Variants in ADAMTSL1 observed in about 807,000 individuals in gnomAD.
ADAMTSL1 encodes ADAMTS like 1.
In ADAMTSL1, 126 loss-of-function variants were observed where a neutral mutation model predicts 201.8. The ratio of observed to expected loss-of-function variants is 0.62; its 90% CI spans 0.54 to 0.72. ADAMTSL1 has a LOEUF of 0.72. ADAMTSL1 is among the 30% of genes least tolerant of loss of function. The pLI, the probability that ADAMTSL1 is intolerant of heterozygous loss-of-function variation, is 0.00. For synonymous variants in ADAMTSL1, 1,121 were observed against 903.4 expected (o/e 1.24, Z -4.32); for missense variants, 2,679 against 2,277.8 (o/e 1.18, Z -3.59).
chr9:18,061,552 A>T (rs1323563585), intron 1 of ADAMTSL1, among the ~76,000 whole-genome samples: 1 of 152,204 alleles, frequency 6.6e-6, no homozygotes, highest in East Asian at 1.9e-4. Context: ...CCATTTCCTT[A>T]CATGTGGACT....
At chr9:18,698,314 T>C (rs1831688224) in intron 13 of ADAMTSL1, among the ~76,000 whole-genome samples, 1 of 152,054 alleles carries the variant, frequency 6.6e-6, no homozygotes, top group South Asian at 2.1e-4. Context: ...AGAGTCTTGC[T>C]CTGTCACCTA....
At chr9:18,787,018 A>C (rs1425417308) in intron 19 of ADAMTSL1, among the ~76,000 whole-genome samples, 1 of 152,244 alleles carries the variant, frequency 6.6e-6, no homozygotes, top group African/African-American at 2.4e-5. Context: ...AAATTCCTCC[A>C]GGGTCAATTT....
intron 2 of ADAMTSL1, among the ~76,000 whole-genome samples, chr9:18,209,903 A>G (rs543243323): frequency 1.2e-4 from 19 of 152,282 alleles, no homozygotes; most frequent in African/African-American, 3.9e-4. Flanking sequence ...GTGTCAGATT[A>G]TCTAGGCTGA....
intron 1 of ADAMTSL1, among the ~76,000 whole-genome samples, chr9:17,977,602 C>G (rs1465224141): frequency 1.3e-5 from 2 of 151,882 alleles, no homozygotes. Flanking sequence ...ATAGTAGTCC[C>G]TTATGATTGA....
intron 2 of ADAMTSL1, among the ~76,000 whole-genome samples, chr9:18,254,937 C>T (rs1468346998): frequency 1.3e-5 from 2 of 151,830 alleles, no homozygotes; most frequent in African/African-American, 4.8e-5. Flanking sequence ...CAATAGAAAC[C>T]CAATTTTCCA....
chr9:18,089,379 A>G (rs1823908271), intron 1 of ADAMTSL1, among the ~76,000 whole-genome samples: 1 of 148,344 alleles, frequency 6.7e-6, no homozygotes. Flanking sequence ...AAAACCAAAC[A>G]CTGCATATTC....
chr9:18,201,565 G>A (rs1344280918), intron 2 of ADAMTSL1, among the ~76,000 whole-genome samples: 3 of 151,974 alleles, frequency 2.0e-5, no homozygotes, highest in Non-Finnish European at 4.4e-5. Flanking sequence ...GCCTTAGAAG[G>A]AGCAATGGGT....
intron 2 of ADAMTSL1, among the ~76,000 whole-genome samples, chr9:18,353,533 A>G (rs1836071008): frequency 6.6e-6 from 1 of 152,220 alleles, no homozygotes; most frequent in African/African-American, 2.4e-5. Flanking sequence ...GCTCTTGGTC[A>G]TAAAGCTATA....
intron 7 of ADAMTSL1, among the ~76,000 whole-genome samples, chr9:18,657,431 G>A (rs34867394): frequency 6.6e-6 from 1 of 152,134 alleles, no homozygotes; most frequent in African/African-American, 2.4e-5. Context: ...ACAGAACTCA[G>A]AAGATAATGA....
In ADAMTSL1 at chr9:18,254,345, GTTTTTTTTTTTTTTTTTTTTT is replaced by G. The variant is rs59026505; in HGVS notation, c.207+90379_207+90399del. ...GGAACTACCGTCAATACTCTTTTTG[GTTTTTTTTTTTTTTTTTTTTT>G]TTTTTTTTTTTTTTGAGATGGAATC... On this transcript the variant is annotated intron_variant, in intron 2 of 29. Transcript: ENST00000680146. Among the ~76,000 whole-genome samples the G allele has an allele frequency of 8.1e-5, 4 of 49,366 alleles. No individual in the cohort carries two copies. The South Asian group carries it at 3.5e-3, about 43-fold the overall frequency. 32.4% of individuals were successfully genotyped at this position (49,366 alleles called of 152,430 possible).
chr9:18,672,016 G>A (rs1026252660), intron 9 of ADAMTSL1, among the ~76,000 whole-genome samples: 5 of 152,046 alleles, frequency 3.3e-5, no homozygotes, highest in Non-Finnish European at 5.9e-5. Flanking sequence ...CAACCTGGGC[G>A]ACAGAGTGAG....
chr9:18,362,352 G>T (rs1256767533), intron 2 of ADAMTSL1: 1 of 152,226 alleles, frequency 6.6e-6, no homozygotes, highest in Non-Finnish European at 1.5e-5. Flanking sequence ...GTCTAGTATT[G>T]CAGTAATGCA....
intron 20 of ADAMTSL1, among the ~76,000 whole-genome samples, chr9:18,797,658 A>G (rs189200955): frequency 1.3e-5 from 2 of 152,156 alleles, no homozygotes; most frequent in Non-Finnish European, 2.9e-5. Context: ...ATTGCCAGTT[A>G]TACTCCTTAT....
At chr9:18,484,164 T>C (rs1010208395) in intron 1 of ADAMTSL1, among the ~76,000 whole-genome samples, 4 of 152,342 alleles carry the variant, frequency 2.6e-5, no homozygotes, top group Admixed American at 1.3e-4. Flanking sequence ...CTATGCTATA[T>C]TGAACAAAAC....
At chr9:17,916,506 G>A (rs1826099275) in intron 1 of ADAMTSL1, among the ~76,000 whole-genome samples, 1 of 152,018 alleles carries the variant, frequency 6.6e-6, no homozygotes, top group African/African-American at 2.4e-5. Flanking sequence ...TACAGGGTAG[G>A]GATCAAAGTT....
At chr9:18,749,261 A>C (rs569322802) in intron 15 of ADAMTSL1, among the ~76,000 whole-genome samples, 1 of 152,326 alleles carries the variant, frequency 6.6e-6, no homozygotes, top group African/African-American at 2.4e-5. Flanking sequence ...CCATGCTTTC[A>C]TCAAGCTAGC....
intron 2 of ADAMTSL1, among the ~76,000 whole-genome samples, chr9:18,288,070 G>A (rs1248583349): frequency 2.0e-5 from 3 of 152,122 alleles, no homozygotes; most frequent in African/African-American, 7.2e-5. Flanking sequence ...GTGGGGAGTG[G>A]AGAGAGAGGA....
intron 20 of ADAMTSL1, among the ~76,000 whole-genome samples, chr9:18,802,005 A>G (rs1192500335): frequency 6.6e-6 from 1 of 152,176 alleles, no homozygotes; most frequent in Non-Finnish European, 1.5e-5. Context: ...GGCCGGGCAC[A>G]GTGACTCATG....
chr9:18,517,903 G>A (rs1161290916), intron 2 of ADAMTSL1, among the ~76,000 whole-genome samples: 2 of 152,068 alleles, frequency 1.3e-5, no homozygotes, highest in Non-Finnish European at 2.9e-5. Context: ...CAGATGTGAG[G>A]CCGAAAGTTC....
Sources: allele counts gnomAD v4.1 joint callset (sites outside exome capture counted in the v4.1 genomes callset), GRCh38; gene constraint gnomAD v4.1.1; transcripts MANE v1.5; gene names NCBI Gene and HGNC (gene_info 2026-07-23, HGNC 2026-07-21).